The following SP2 variants were observed in gnomAD, a reference collection of about 807,000 sequenced individuals.
SP2 encodes the protein transcription factor Sp2.
SP2 carries 9 observed loss-of-function variants against 50.1 expected under a neutral mutation model. That is an observed-to-expected ratio of 0.18 (90% CI 0.11 to 0.31). The LOEUF is 0.31. SP2 is among the 10% of genes least tolerant of loss of function. SP2 has a pLI of 1.00. For missense variants in SP2, 581 were observed against 806.5 expected, an observed-to-expected ratio of 0.72 and a Z score of 3.39; for synonymous variants, 313 against 326.6, an observed-to-expected ratio of 0.96 and a Z score of 0.45.
chr17:47,917,123 C>G lies in SP2; in HGVS notation c.1052C>G (p.Pro351Arg). Residue 351 changes from proline to arginine, a missense_variant, in exon 3 of 7, where the codon CCT becomes CGT. Coordinates refer to ENST00000376741, the MANE Select transcript of SP2 (RefSeq NM_003110.6). ...CAGATCCAGGCAGCTGAGCCGACAC[C>G]TACTCAGGTACCACACTCCCTGTAC... ...NFQIQAAEPTPTQVYIRTPSG... is the reference protein window; with the variant it reads ...NFQIQAAEPTRTQVYIRTPSG... 1 of 1,607,408 alleles carries G rather than the reference C, an allele frequency of 6.2e-7. No individual in the cohort carries two copies. Among genetic ancestry groups the G allele is most frequent in the South Asian group, 1.1e-5 (1 of 89,996 alleles).
chr17:47,910,972 T>A (rs2034957555), intron 1 of SP2, among the ~76,000 whole-genome samples: 1 of 152,200 alleles, frequency 6.6e-6, no homozygotes, highest in South Asian at 2.1e-4. Flanking sequence ...ATGCCTGTAA[T>A]CCCAGCACTT....
rs1249987328 is a variant in SP2 at position 47,927,823 on chromosome 17, A to G, written c.1841A>G (p.Ter614=). ...ACCCACCTGGTCACGAAGAACTTGT[A>G]AGGCCAACTGCGGCGGGAGGCCCTG... ...YKTHLVTKNL[*] is the part of the protein sequence containing the mutation. Residue 614 remains the stop codon, a stop_retained_variant, in exon 7 of 7, where the codon TAA becomes TGA. Coordinates refer to ENST00000376741, the MANE Select transcript of SP2 (RefSeq NM_003110.6). 3.2e-6 allele frequency: 5 copies of G among 1,571,708 alleles called. No individual in the cohort carries two copies. Among genetic ancestry groups the G allele is most frequent in the South Asian group, 1.2e-5 (1 of 86,526 alleles).
intron 1 of SP2, among the ~76,000 whole-genome samples, chr17:47,911,506 C>CAA (rs71366807): frequency 4.3e-5 from 3 of 69,096 alleles, no homozygotes; most frequent in Admixed American, 3.4e-4. Context: ...GACTACATCT[C>CAA]AAAAAAAAAA....
chr17:47,919,825 C>CTTTTTTTCTTTT (rs2035364545), intron 3 of SP2, among the ~76,000 whole-genome samples: 1 of 94,800 alleles, frequency 1.1e-5, no homozygotes, highest in Non-Finnish European at 1.9e-5. Context: ...TTTGTCATTC[C>CTTTTTTTCTTTT]TTTTTTTTTT....
chr17:47,909,655 G>T, intron 1 of SP2: 8 of 966,722 alleles, frequency 8.3e-6, no homozygotes, highest in Non-Finnish European at 9.8e-6. Flanking sequence ...CATTACCTTT[G>T]TTTTACAGAG....
intron 2 of SP2, 27 bp downstream of exon 2, chr17:47,915,415 T>C (rs1222717076): frequency 1.3e-6 from 2 of 1,544,314 alleles, no homozygotes; most frequent in Non-Finnish European, 1.8e-6. Context: ...CTCCGAGGGC[T>C]TGGGGCTGCA....
At chr17:47,910,765 A>G (rs2034950481) in intron 1 of SP2, among the ~76,000 whole-genome samples, 1 of 152,154 alleles carries the variant, frequency 6.6e-6, no homozygotes, top group South Asian at 2.1e-4. Context: ...TTCTAAAGTT[A>G]TGTCATCTTT....
intron 1 of SP2, among the ~76,000 whole-genome samples, chr17:47,913,604 A>G (rs2035075139): frequency 6.6e-6 from 1 of 152,066 alleles, no homozygotes; most frequent in African/African-American, 2.4e-5. Flanking sequence ...GACGGGGTCT[A>G]ACTGTGTTGC....
At chr17:47,915,554 A>C (rs935720402) in intron 2 of SP2, among the ~76,000 whole-genome samples, 166 bp downstream of exon 2, 1 of 152,142 alleles carries the variant, frequency 6.6e-6, no homozygotes, top group Admixed American at 6.5e-5. Context: ...CATTTACCTA[A>C]GGTGCCGCAG....
chr17:47,913,685 T>C (rs2035078747), intron 1 of SP2, among the ~76,000 whole-genome samples: 1 of 152,132 alleles, frequency 6.6e-6, no homozygotes. Flanking sequence ...TAGGATTACA[T>C]GCATGAGCTA....
At chr17:47,930,157 A>G (rs1311283495), downstream of SP2, among the ~76,000 whole-genome samples, 1 of 152,132 alleles carries the variant, frequency 6.6e-6, no homozygotes, top group Non-Finnish European at 1.5e-5. Flanking sequence ...GCATCTCATC[A>G]CCGCACTGGC....
intron 6 of SP2, among the ~76,000 whole-genome samples, chr17:47,927,172 A>G (rs565400586): frequency 1.3e-3 from 204 of 152,282 alleles, no homozygotes; most frequent in African/African-American, 4.8e-3. Context: ...GGGACAAGGA[A>G]TGGGAACGAA....
At chr17:47,897,286 C>A (rs1262369169) in intron 1 of SP2, 1 of 152,216 alleles carries the variant, frequency 6.6e-6, no homozygotes, top group Non-Finnish European at 1.5e-5. Flanking sequence ...ACTGAGAAAC[C>A]TGTCCTCACT....
rs1178549775 is a variant in SP2 at position 47,916,046 on chromosome 17, AGGTGG to A, written c.85-107_85-103del. 50 of 1,286,948 alleles carry A rather than the reference AGGTGG, an allele frequency of 3.9e-5. No individual in the cohort carries two copies. In the East Asian group the frequency reaches 1.1e-3, roughly 29 times the overall value. The allele number at this position is 1,286,948 out of a possible 1,614,324, so 79.7% of individuals were successfully genotyped here. A position where few individuals can be genotyped will look rare whatever the true frequency, so the allele number is the denominator to read the frequency against. ...GGTACTGGCAACATGCCTGCCCCGG[AGGTGG>A]GGAAGACTGGCGTGGAATGCCGCCA... On this transcript the variant is annotated intron_variant, in intron 2 of 6. Coordinates refer to ENST00000376741, the MANE Select transcript of SP2 (RefSeq NM_003110.6). This position sits in a 1 kb window ranked among gnomAD's most constrained non-coding sequence, Gnocchi z 4.7.
intron 1 of SP2, among the ~76,000 whole-genome samples, chr17:47,901,180 G>A (rs1230370110): frequency 2.7e-5 from 4 of 149,396 alleles, no homozygotes; most frequent in African/African-American, 7.4e-5. Context: ...ACGGAGTCTC[G>A]CTCTGTCACC....
At chr17:47,899,514 A>T (rs928580470) in intron 1 of SP2, 12 of 152,192 alleles carry the variant, frequency 7.9e-5, no homozygotes, top group African/African-American at 2.7e-4. Flanking sequence ...ACTCGAGGGT[A>T]TTGTCAGGCC....
In SP2 at chr17:47,916,909, G is replaced by C; in HGVS notation, c.838G>C (p.Ala280Pro). Residue 280 changes from alanine to proline, a missense_variant, in exon 3 of 7, where the codon GCA becomes CCA. Coordinates refer to ENST00000376741, the MANE Select transcript of SP2 (RefSeq NM_003110.6). The surrounding 1 kb of genome is among the most constrained non-coding windows in gnomAD (Gnocchi z 4.7). ...IETTADNIIQ[A>P]GNNLLIVQSP... The stretch of plus-strand genomic sequence containing the variant: ...GACCACCGCGGACAACATCATCCAG[G>C]CAGGAAATAACCTGCTCATTGTTCA... The C allele has an allele frequency of 6.2e-7, 1 of 1,614,220 alleles. No individual in the cohort carries two copies. The highest frequency in any genetic ancestry group is 2.2e-5 in the East Asian group (1 of 44,884).
chr17:47,915,902 T>A (rs2035182167), intron 2 of SP2, among the ~76,000 whole-genome samples: 1 of 152,098 alleles, frequency 6.6e-6, no homozygotes, highest in Non-Finnish European at 1.5e-5. Context: ...TGCTGTTAGT[T>A]TACCCTGTCT....
chr17:47,920,185 G>T (rs756130079), intron 3 of SP2, among the ~76,000 whole-genome samples: 1 of 151,826 alleles, frequency 6.6e-6, no homozygotes, highest in Non-Finnish European at 1.5e-5. Context: ...TTTTCAGGTC[G>T]GCTCTCTGCA....
Sources: gnomAD v4.1 joint callset for allele counts (sites outside exome capture counted in the v4.1 genomes callset) on GRCh38, gnomAD v4.1.1 for gene constraint, Gnocchi (gnomAD v3.1) non-coding constraint, MANE v1.5 for transcripts, NCBI Gene and HGNC (gene_info 2026-07-23, HGNC 2026-07-21) for gene names.